LDLRAD4: variants seen among roughly 807,000 people sequenced by gnomAD.
LDLRAD4 encodes the protein low-density lipoprotein receptor class A domain-containing protein 4.
LDLRAD4 carries 5 observed loss-of-function variants against 17.0 expected under a neutral mutation model. That is an observed-to-expected ratio of 0.29 (90% CI 0.15 to 0.62). The LOEUF (loss-of-function observed/expected upper bound fraction) is 0.62, where lower values mean the gene tolerates loss of function less well. Ranked by LOEUF, LDLRAD4 falls within the 20% of genes least tolerant of loss-of-function variation. The pLI, the probability that LDLRAD4 is intolerant of heterozygous loss-of-function variation, is 0.84. For missense variants in LDLRAD4, 340 were observed against 424.7 expected (o/e 0.80, Z 1.75); for synonymous variants, 168 against 171.8 (o/e 0.98, Z 0.17).
intron 1 of LDLRAD4, among the ~76,000 whole-genome samples, chr18:13,283,431 C>A (rs768335720): frequency 1.3e-5 from 2 of 152,244 alleles, no homozygotes; most frequent in African/African-American, 2.4e-5. Flanking sequence ...CCTAAATCAT[C>A]TCTTTCAAGT....
intron 3 of LDLRAD4, chr18:13,515,911 C>T (rs2093858675): frequency 6.6e-6 from 1 of 152,172 alleles, no homozygotes; most frequent in South Asian, 2.1e-4. Context: ...TTCCTGGGCT[C>T]AAGGGATCCT....
chr18:13,586,814 G>A (rs566479643), intron 3 of LDLRAD4, among the ~76,000 whole-genome samples: 53 of 151,482 alleles, frequency 3.5e-4, no homozygotes, highest in Admixed American at 6.6e-4. Flanking sequence ...TTGACCCTGG[G>A]AGGCAGAGGT....
chr18:13,323,551 G>A (rs2081363950), intron 1 of LDLRAD4, among the ~76,000 whole-genome samples: 4 of 152,180 alleles, frequency 2.6e-5, no homozygotes, highest in Admixed American at 1.3e-4. Context: ...CCACGTTTAA[G>A]GAGGCGCCAA....
At chr18:13,237,334 C>T (rs990813401) in intron 1 of LDLRAD4, among the ~76,000 whole-genome samples, 2 of 152,208 alleles carry the variant, frequency 1.3e-5, no homozygotes, top group African/African-American at 4.8e-5. Context: ...TGGCTGCTTC[C>T]TCCTGTGATC....
chr18:13,313,864 G>T (rs967430153), intron 1 of LDLRAD4, among the ~76,000 whole-genome samples: 1 of 152,056 alleles, frequency 6.6e-6, no homozygotes, highest in African/African-American at 2.4e-5. Flanking sequence ...ATATTTTAGC[G>T]TTTGGATTAA....
At chr18:13,348,758 A>G (rs2082857298) in intron 1 of LDLRAD4, among the ~76,000 whole-genome samples, 1 of 152,188 alleles carries the variant, frequency 6.6e-6, no homozygotes, top group African/African-American at 2.4e-5. Context: ...TACCTACTCA[A>G]GCCTCAGCAA....
chr18:13,627,258 C>G (rs1724263786), intron 4 of LDLRAD4, among the ~76,000 whole-genome samples: 1 of 152,030 alleles, frequency 6.6e-6, no homozygotes, highest in Non-Finnish European at 1.5e-5. Context: ...GAGACGCCAT[C>G]TCAAAAATAA....
chr18:13,352,747 C>T (rs910824665), intron 1 of LDLRAD4, among the ~76,000 whole-genome samples: 1 of 152,092 alleles, frequency 6.6e-6, no homozygotes, highest in Non-Finnish European at 1.5e-5. Context: ...CCATAAGCCT[C>T]TTAGGCTCTG....
intron 3 of LDLRAD4, among the ~76,000 whole-genome samples, chr18:13,582,510 C>T (rs1041848120): frequency 8.5e-5 from 13 of 152,238 alleles, no homozygotes; most frequent in Non-Finnish European, 1.6e-4. Flanking sequence ...TTTGCAGCTC[C>T]TCTGCTCTGT....
intron 2 of LDLRAD4, among the ~76,000 whole-genome samples, chr18:13,435,680 T>C (rs556080111): frequency 1.0e-3 from 156 of 152,352 alleles, no homozygotes; most frequent in Non-Finnish European, 1.7e-3. Flanking sequence ...ACTCCTGGAC[T>C]CAAATGATCC....
At chr18:13,371,779 GAGAA>G (rs886393366) in intron 1 of LDLRAD4, among the ~76,000 whole-genome samples, 6 of 152,012 alleles carry the variant, frequency 3.9e-5, no homozygotes, top group Non-Finnish European at 7.4e-5. Flanking sequence ...GAGAGAGAGA[GAGAA>G]AGAGAGAGAG....
chr18:13,280,417 A>G (rs1356275054), intron 1 of LDLRAD4, among the ~76,000 whole-genome samples: 3 of 152,316 alleles, frequency 2.0e-5, no homozygotes, highest in East Asian at 3.9e-4. Flanking sequence ...ACTCAACAAC[A>G]TGTTGGCTGT....
intron 3 of LDLRAD4, among the ~76,000 whole-genome samples, chr18:13,583,566 A>C (rs947545281): frequency 6.6e-6 from 1 of 152,230 alleles, no homozygotes; most frequent in African/African-American, 2.4e-5. Context: ...GGCCGCTGAG[A>C]TATTTAGAGG....
chr18:13,599,197 T>C (rs1282652769), intron 3 of LDLRAD4, among the ~76,000 whole-genome samples: 1 of 152,094 alleles, frequency 6.6e-6, no homozygotes, highest in Non-Finnish European at 1.5e-5. Context: ...ACTCTTGTTT[T>C]TTTGCCACAC....
At chr18:13,550,628 A>C (rs1008030744) in intron 3 of LDLRAD4, among the ~76,000 whole-genome samples, 34 of 152,220 alleles carry the variant, frequency 2.2e-4, no homozygotes, top group Non-Finnish European at 5.9e-5. Context: ...AGTCCCGCCG[A>C]GCAGCCTTCC....
At chr18:13,277,642 C>T (rs753882846), upstream of LDLRAD4, among the ~76,000 whole-genome samples, 1 of 152,256 alleles carries the variant, frequency 6.6e-6, no homozygotes, top group Non-Finnish European at 1.5e-5. Context: ...TGTATTTCAG[C>T]AGAGGAATCA....
intron 1 of LDLRAD4, among the ~76,000 whole-genome samples, chr18:13,246,819 CT>C (rs1280464912): frequency 1.3e-5 from 2 of 152,190 alleles, no homozygotes; most frequent in Non-Finnish European, 2.9e-5. Flanking sequence ...AACATTTGTG[CT>C]TCATAACCTC....
intron 1 of LDLRAD4, among the ~76,000 whole-genome samples, chr18:13,305,924 G>A (rs543313084): frequency 3.8e-4 from 58 of 152,230 alleles, no homozygotes; most frequent in African/African-American, 1.3e-3. Context: ...AAGCAAAGTC[G>A]TTATATGACA....
intron 1 of LDLRAD4, among the ~76,000 whole-genome samples, chr18:13,325,364 A>G (rs2081462827): frequency 3.3e-5 from 5 of 152,190 alleles, no homozygotes; most frequent in Admixed American, 2.0e-4. Context: ...GGATTTCAAG[A>G]GGTGGAGATG....
Sources: allele counts gnomAD v4.1 joint callset (sites outside exome capture counted in the v4.1 genomes callset), GRCh38; gene constraint gnomAD v4.1.1; transcripts MANE v1.5; gene names NCBI Gene and HGNC (gene_info 2026-07-23, HGNC 2026-07-21).